The following GALNT17 variants were observed in gnomAD, a reference collection of about 807,000 sequenced individuals.
GALNT17 encodes UDP-GalNAc:polypeptide N-acetylgalactosaminyltransferase-like 3.
In GALNT17, 29 loss-of-function variants were observed where a neutral mutation model predicts 63.7. That is an observed-to-expected ratio of 0.46 (90% CI 0.34 to 0.62). The LOEUF (loss-of-function observed/expected upper bound fraction) is 0.62, where lower values mean the gene tolerates loss of function less well. GALNT17 is among the 20% of genes least tolerant of loss of function. The pLI, the probability that GALNT17 is intolerant of heterozygous loss-of-function variation, is 0.01. For missense variants in GALNT17, 603 were observed against 799.6 expected (o/e 0.75, Z 2.97); for synonymous variants, 305 against 318.3 (o/e 0.96, Z 0.45).
intron 1 of GALNT17, among the ~76,000 whole-genome samples, chr7:71,142,163 C>T (rs12699004): frequency 0.16 from 23,740 of 151,976 alleles, 2,254 homozygotes; most frequent in African/African-American, 0.26. Context: ...AGCCACTATG[C>T]GGGGCCCTCA....
At chr7:71,330,421 AG>A (rs1459065737) in intron 1 of GALNT17, among the ~76,000 whole-genome samples, 1 of 152,030 alleles carries the variant, frequency 6.6e-6, no homozygotes, top group Non-Finnish European at 1.5e-5. Flanking sequence ...TTTCAAAGAC[AG>A]GGTCTCACTC....
At chr7:71,413,487 T>C in intron 3 of GALNT17, among the ~76,000 whole-genome samples, 1 of 151,876 alleles carries the variant, frequency 6.6e-6, no homozygotes, top group Non-Finnish European at 1.5e-5. Context: ...TGCCTCGGCC[T>C]CCCGAGTAGC....
At chr7:71,146,001 G>A (rs1442291327) in intron 1 of GALNT17, among the ~76,000 whole-genome samples, 1 of 152,192 alleles carries the variant, frequency 6.6e-6, no homozygotes, top group African/African-American at 2.4e-5. Context: ...CCACCGTACG[G>A]GGCCCGTATG....
At chr7:71,418,640 T>C (rs1018581937) in intron 4 of GALNT17, among the ~76,000 whole-genome samples, 4 of 152,228 alleles carry the variant, frequency 2.6e-5, no homozygotes, top group African/African-American at 7.2e-5. Context: ...CCAATTCACA[T>C]GTCCAAGTTA....
intron 10 of GALNT17, among the ~76,000 whole-genome samples, chr7:71,711,581 CTT>C (rs1461608140): frequency 2.0e-5 from 3 of 150,940 alleles, no homozygotes; most frequent in Non-Finnish European, 4.4e-5. Context: ...CTCTCTTTCT[CTT>C]CTCTGTCTTG....
intron 9 of GALNT17, among the ~76,000 whole-genome samples, chr7:71,706,564 G>A (rs1584151699): frequency 6.6e-6 from 1 of 152,248 alleles, no homozygotes; most frequent in East Asian, 1.9e-4. Context: ...TTTGCATTTG[G>A]AGAATTTAAA....
chr7:71,456,298 G>A (rs1220136424), intron 5 of GALNT17, among the ~76,000 whole-genome samples: 9 of 152,100 alleles, frequency 5.9e-5, no homozygotes, highest in South Asian at 2.1e-4. Context: ...TGACCTGACC[G>A]CCAAGTATAT....
intron 2 of GALNT17, among the ~76,000 whole-genome samples, chr7:71,359,590 A>G (rs1792359506): frequency 7.1e-6 from 1 of 140,178 alleles, no homozygotes. Flanking sequence ...CAGTGGGTAT[A>G]ATTTTTTTTT....
chr7:71,701,238 G>A (rs1791626261), intron 9 of GALNT17, among the ~76,000 whole-genome samples: 1 of 152,190 alleles, frequency 6.6e-6, no homozygotes, highest in Admixed American at 6.6e-5. Flanking sequence ...TGTAATCCCA[G>A]CACTTTGGGA....
chr7:71,175,758 A>G (rs1788626257), intron 1 of GALNT17, among the ~76,000 whole-genome samples: 1 of 152,142 alleles, frequency 6.6e-6, no homozygotes, highest in South Asian at 2.1e-4. Flanking sequence ...ACAACAGGCT[A>G]GGCATGGTGG....
At chr7:71,520,438 G>A (rs1228040091) in intron 5 of GALNT17, among the ~76,000 whole-genome samples, 1 of 151,998 alleles carries the variant, frequency 6.6e-6, no homozygotes, top group Non-Finnish European at 1.5e-5. Flanking sequence ...CAGGAGAATT[G>A]CTTGAACCCA....
chr7:71,421,235 C>T (rs1414566365), intron 5 of GALNT17, 130 bp downstream of exon 5: 2 of 942,224 alleles, frequency 2.1e-6, no homozygotes, highest in Non-Finnish European at 3.1e-6. Context: ...CCAGGAGCCG[C>T]CGTTGTCTCA....
chr7:71,583,907 G>A (rs1435888743), intron 6 of GALNT17, among the ~76,000 whole-genome samples: 1 of 151,758 alleles, frequency 6.6e-6, no homozygotes, highest in African/African-American at 2.4e-5. Context: ...GGTGGATCAC[G>A]AGGTCAGGAG....
At chr7:71,273,676 G>A (rs897634997) in intron 1 of GALNT17, among the ~76,000 whole-genome samples, 3 of 152,154 alleles carry the variant, frequency 2.0e-5, no homozygotes, top group African/African-American at 7.2e-5. Flanking sequence ...ATTCTCATTT[G>A]TACTTTAGAG....
chr7:71,197,430 G>A (rs944673234), intron 1 of GALNT17, among the ~76,000 whole-genome samples: 1 of 150,538 alleles, frequency 6.6e-6, no homozygotes, highest in African/African-American at 2.4e-5. Context: ...GGGAGGTCTC[G>A]ATCTCCTGAC....
At chr7:71,207,706 CT>C (rs1015100268) in intron 1 of GALNT17, among the ~76,000 whole-genome samples, 2 of 152,258 alleles carry the variant, frequency 1.3e-5, no homozygotes, top group African/African-American at 4.8e-5. Context: ...GAGAAATGAG[CT>C]GACACCCACT....
At chr7:71,360,654 C>T (rs1038868277) in intron 2 of GALNT17, among the ~76,000 whole-genome samples, 14 of 152,158 alleles carry the variant, frequency 9.2e-5, no homozygotes, top group Admixed American at 5.2e-4. Flanking sequence ...TGATAGCCAG[C>T]GGGTGCAGTG....
At chr7:71,302,346 A>C (rs1354177738) in intron 1 of GALNT17, among the ~76,000 whole-genome samples, 1 of 152,224 alleles carries the variant, frequency 6.6e-6, no homozygotes, top group African/African-American at 2.4e-5. Flanking sequence ...TGTATCCCAG[A>C]ACCTAAAATA....
Position 71,561,009 on chromosome 7 carries a change from T to C in GALNT17, c.963-10276T>C, listed in dbSNP as rs1271259616. On this transcript the variant is annotated intron_variant, in intron 5 of 10. Coordinates refer to ENST00000333538, the MANE Select transcript of GALNT17 (RefSeq NM_022479.3). ...AACAAAATGCACTGAAATGAGTGAA[T>C]TTGTTTTTGTTTTTGTTTTTTGAGA... Among the ~76,000 whole-genome samples the C allele has an allele frequency of 4.6e-5, 7 of 152,078 alleles. 1 individual carries two copies. The South Asian group carries it at 1.5e-3, about 32-fold the overall frequency.
Sources: allele counts gnomAD v4.1 joint callset (sites outside exome capture counted in the v4.1 genomes callset), GRCh38; gene constraint gnomAD v4.1.1; transcripts MANE v1.5; gene names NCBI Gene and HGNC (gene_info 2026-07-23, HGNC 2026-07-21).